PMPCA: variants seen among roughly 807,000 people sequenced by gnomAD.
PMPCA encodes the protein peptidase, mitochondrial processing subunit alpha.
A neutral mutation model predicts 59.3 loss-of-function variants in PMPCA; 47 were observed. That is an observed-to-expected ratio of 0.79 (90% CI 0.63 to 1.01). The LOEUF (loss-of-function observed/expected upper bound fraction) is 1.01. Among genes scored for constraint, PMPCA ranks in the 50% least tolerant of loss-of-function variants. The probability of loss-of-function intolerance (pLI) is 0.00; values close to 1 mark genes in which losing one functional copy is unlikely to be tolerated. For missense variants in PMPCA, 726 were observed against 704.5 expected, an observed-to-expected ratio of 1.03 and a Z score of -0.34; for synonymous variants, 338 against 290.3, an observed-to-expected ratio of 1.16 and a Z score of -1.67.
chr9:136,410,794 C>G, intron 1 of PMPCA, 55 bp downstream of exon 1: 1 of 1,313,424 alleles, frequency 7.6e-7, no homozygotes. Context: ...TCGAGTCTTT[C>G]TGGACGCTCC....
intron 4 of PMPCA, among the ~76,000 whole-genome samples, chr9:136,413,703 C>A (rs1374634808): frequency 6.6e-6 from 1 of 152,194 alleles, no homozygotes; most frequent in African/African-American, 2.4e-5. Flanking sequence ...CCCAGATGAA[C>A]TCCTTTCTCT....
intron 7 of PMPCA, 133 bp from the exon 8 acceptor site, chr9:136,417,884 A>G: frequency 2.8e-6 from 2 of 723,968 alleles, no homozygotes; most frequent in Non-Finnish European, 5.0e-6. Context: ...AAGTGCTGGG[A>G]TTTTAGGCAT....
In PMPCA at chr9:136,419,111, G is replaced by A; in HGVS notation, c.1263+5G>A. On this transcript the variant is annotated splice_donor_5th_base_variant and intron_variant, in intron 11 of 12. Coordinates refer to ENST00000371717, the MANE Select transcript of PMPCA (RefSeq NM_015160.3). ...ATGGGCGGAACCGTGGACACGGTAAGTGCAGTGTGGCGCCATTTCCAGGCG... is the reference window on the plus strand; with the variant it reads ...ATGGGCGGAACCGTGGACACGGTAAATGCAGTGTGGCGCCATTTCCAGGCG... 1 of 1,611,616 alleles carries A rather than the reference G, an allele frequency of 6.2e-7. No individual in the cohort carries two copies. Among genetic ancestry groups the A allele is most frequent in the Non-Finnish European group, 8.5e-7 (1 of 1,177,672 alleles).
In PMPCA at chr9:136,423,343, A is replaced by G; in HGVS notation, c.*79A>G. 7.0e-7 allele frequency: 1 copy of G among 1,422,566 alleles called. No homozygotes were observed. Among genetic ancestry groups the G allele is most frequent in the South Asian group, 1.3e-5 (1 of 79,632 alleles). 88.1% of individuals were successfully genotyped at this position (1,422,566 alleles called of 1,614,324 possible). On this transcript the variant is annotated 3_prime_UTR_variant, in exon 13 of 13. Transcript: ENST00000371717. ...TGCGTGTTAGTTTGGACACGAATTT[A>G]GTCTAAAAAGCTGTCTGGTTGTATA...
rs369480508 is a variant in PMPCA at position 136,412,248 on chromosome 9, C to G, written c.274+49C>G. 1,512 of 1,308,224 alleles carry G rather than the reference C, an allele frequency of 1.2e-3. 6 individuals carry two copies. Among genetic ancestry groups the G allele is most frequent in the Non-Finnish European group, 1.3e-3 (1,136 of 901,572 alleles). The allele number at this position is 1,308,224 out of a possible 1,614,324, so 81.0% of individuals were successfully genotyped here. ...GGTGGTCCCGCAGTTTTAACATGCACATGCTTTAGTTGACTGTTAGTTGTA... is the reference window on the plus strand; with the variant it reads ...GGTGGTCCCGCAGTTTTAACATGCAGATGCTTTAGTTGACTGTTAGTTGTA... On this transcript the variant is annotated intron_variant, in intron 2 of 12. Transcript: ENST00000371717.
In PMPCA at chr9:136,419,092, G is replaced by T. The variant is rs377031022; in HGVS notation, c.1249G>T (p.Gly417Ter). Residue 417 changes from glycine to a stop codon, truncating the protein, a stop_gained, in exon 11 of 13, where the codon GGA becomes TGA. Coordinates refer to ENST00000371717, the MANE Select transcript of PMPCA (RefSeq NM_015160.3). LOFTEE classifies it high-confidence loss of function. The part of the protein sequence containing the change: ...IITKEFILMG[G>*]TVDTVELERA... Reference sequence around the variant, plus strand: ...CACAAAGGAGTTTATTTTAATGGGCGGAACCGTGGACACGGTAAGTGCAGT... The same window carrying T: ...CACAAAGGAGTTTATTTTAATGGGCTGAACCGTGGACACGGTAAGTGCAGT... 6.2e-7 allele frequency: 1 copy of T among 1,613,638 alleles called. No individual in the cohort carries two copies.
intron 6 of PMPCA, 136 bp from the exon 7 acceptor site, chr9:136,416,815 G>A: frequency 2.8e-6 from 2 of 712,226 alleles, no homozygotes; most frequent in South Asian, 1.9e-5. Context: ...AGCTGCTATT[G>A]CCAGAGTGCA....
intron 5 of PMPCA, among the ~76,000 whole-genome samples, chr9:136,415,617 C>T (rs1835251698): frequency 6.6e-6 from 1 of 152,198 alleles, no homozygotes; most frequent in Non-Finnish European, 1.5e-5. Flanking sequence ...TGAAAGGCGC[C>T]CTTGACATCT....
At chr9:136,417,774 T>G (rs986409601) in intron 7 of PMPCA, among the ~76,000 whole-genome samples, 7 of 151,690 alleles carry the variant, frequency 4.6e-5, no homozygotes, top group East Asian at 1.9e-4. Flanking sequence ...TACATATGTT[T>G]TTTTTTTTTT....
Position 136,421,383 on chromosome 9 carries a change from G to A in PMPCA, c.1264-449G>A, listed in dbSNP as rs139714186. On this transcript the variant is annotated intron_variant, in intron 11 of 12. Coordinates refer to ENST00000371717, the MANE Select transcript of PMPCA (RefSeq NM_015160.3). ...GAAGGGGAGACCAGCAGGGTTGCCT[G>A]TGACTTGGGCCTGGGTTCCCGTTTT... Among the ~76,000 whole-genome samples the A allele has an allele frequency of 1.5e-3, 231 of 150,302 alleles. 3 individuals carry two copies. The highest frequency in any genetic ancestry group is 9.6e-3 in the Admixed American group (145 of 15,066).
At position 136,423,346 on chromosome 9, in the gene PMPCA, C is replaced by A; in HGVS notation, c.*82C>A. ...GTGTTAGTTTGGACACGAATTTAGT[C>A]TAAAAAGCTGTCTGGTTGTATAAAC... On this transcript the variant is annotated 3_prime_UTR_variant, in exon 13 of 13. Coordinates refer to ENST00000371717, the MANE Select transcript of PMPCA (RefSeq NM_015160.3). 1 of 1,402,454 alleles carries A rather than the reference C, an allele frequency of 7.1e-7. No homozygotes were observed. The highest frequency in any genetic ancestry group is 9.7e-7 in the Non-Finnish European group (1 of 1,034,828). 86.9% of individuals were successfully genotyped at this position (1,402,454 alleles called of 1,614,324 possible). A position where few individuals can be genotyped will look rare whatever the true frequency, so the allele number is the denominator to read the frequency against.
In PMPCA at chr9:136,410,759, G is replaced by A. The variant is rs954616473; in HGVS notation, c.71+20G>A. The stretch of plus-strand genomic sequence containing the variant: ...GCTGAGGTGAGCCAAAGGCGAACCA[G>A]GCTTCGGCCTGGGGCGGGGGCGGCT... On this transcript the variant is annotated intron_variant, in intron 1 of 12. Transcript: ENST00000371717. The A allele has an allele frequency of 2.1e-6, 3 of 1,396,500 alleles. No individual in the cohort carries two copies. Among genetic ancestry groups the A allele is most frequent in the Admixed American group, 3.3e-5 (1 of 30,058 alleles). The allele number at this position is 1,396,500 out of a possible 1,614,324, so 86.5% of individuals were successfully genotyped here. A position where few individuals can be genotyped will look rare whatever the true frequency, so the allele number is the denominator to read the frequency against.
chr9:136,415,579 C>G (rs1410817776), intron 5 of PMPCA, among the ~76,000 whole-genome samples: 2 of 152,198 alleles, frequency 1.3e-5, no homozygotes, highest in African/African-American at 2.4e-5. Flanking sequence ...GCTACAGTCC[C>G]ACGTTAAGAT....
intron 12 of PMPCA, chr9:136,422,774 G>T: frequency 8.8e-7 from 1 of 1,140,130 alleles, no homozygotes; most frequent in Middle Eastern, 3.9e-4. Context: ...CGGGGGCTGG[G>T]GGTTTTTTCT....
chr9:136,418,807 A>G (rs1835359671), intron 9 of PMPCA, 21 bp from the exon 10 acceptor site: 4 of 1,594,998 alleles, frequency 2.5e-6, no homozygotes, highest in Non-Finnish European at 2.6e-6. Flanking sequence ...CTTCACTCCC[A>G]TGACTCTCGC....
At chr9:136,421,796 C>A in intron 11 of PMPCA, 36 bp from the exon 12 acceptor site, 1 of 1,544,888 alleles carries the variant, frequency 6.5e-7, no homozygotes, top group Non-Finnish European at 8.8e-7. Context: ...TGGCACGGGG[C>A]GGGTGTGTGC....
intron 1 of PMPCA, chr9:136,411,423 A>G (rs900498734): frequency 1.3e-5 from 2 of 159,866 alleles, no homozygotes; most frequent in African/African-American, 4.8e-5. Context: ...ATAGTCCTCC[A>G]TCAGGGTGAC....
At chr9:136,413,372 G>A (rs1835188714) in intron 4 of PMPCA, among the ~76,000 whole-genome samples, 2 of 152,162 alleles carry the variant, frequency 1.3e-5, no homozygotes, top group Admixed American at 1.3e-4. Context: ...CCGGCTGCTT[G>A]GTGGAGGGAG....
intron 6 of PMPCA, chr9:136,416,636 C>T (rs551727266): frequency 3.1e-5 from 19 of 606,410 alleles, no homozygotes; most frequent in East Asian, 3.0e-4. Context: ...CGTGAGTCAC[C>T]GCACTCAGCT....
Sources: gnomAD v4.1 joint callset for allele counts (sites outside exome capture counted in the v4.1 genomes callset) on GRCh38, gnomAD v4.1.1 for gene constraint, MANE v1.5 for transcripts, NCBI Gene and HGNC (gene_info 2026-07-23, HGNC 2026-07-21) for gene names.